WFDC10B: variants seen among roughly 807,000 people sequenced by gnomAD.
WFDC10B encodes the protein WAP four-disulfide core domain 10B.
In WFDC10B, 1 loss-of-function variant was observed where a neutral mutation model predicts 2.7. The ratio of observed to expected loss-of-function variants is 0.38; its 90% CI spans 0.13 to 1.79. The LOEUF (loss-of-function observed/expected upper bound fraction) is 1.79, where lower values mean the gene tolerates loss of function less well. WFDC10B is among the 40% of genes most tolerant of loss of function. The pLI is 0.33. For missense variants in WFDC10B, 71 were observed against 87.8 expected (o/e 0.81, Z 0.76); for synonymous variants, 26 against 32.2 (o/e 0.81, Z 0.65).
intron 2 of WFDC10B, chr20:45,702,250 G>C (rs1181841530): frequency 1.3e-6 from 2 of 1,580,336 alleles, no homozygotes; most frequent in South Asian, 2.3e-5. Context: ...GAAGTAACAT[G>C]TGTGGATAGG....
intron 2 of WFDC10B, among the ~76,000 whole-genome samples, chr20:45,698,412 CAAAAG>C (rs1453969924): frequency 6.7e-6 from 1 of 149,838 alleles, no homozygotes; most frequent in Non-Finnish European, 1.5e-5. Flanking sequence ...AGCACAGTAA[CAAAAG>C]AAAAAAAAAT....
At chr20:45,702,283 C>A in intron 2 of WFDC10B, 2 of 1,425,908 alleles carry the variant, frequency 1.4e-6, no homozygotes, top group Non-Finnish European at 1.9e-6. Flanking sequence ...GGCTGACAGT[C>A]TGTCACACCT....
At chr20:45,692,527 GTTCA>G (rs1983846401) in intron 2 of WFDC10B, among the ~76,000 whole-genome samples, 1 of 152,152 alleles carries the variant, frequency 6.6e-6, no homozygotes, top group African/African-American at 2.4e-5. Flanking sequence ...TGGAGGCTTT[GTTCA>G]TTTGTTTTTA....
At chr20:45,692,817 T>C (rs558562648) in intron 2 of WFDC10B, among the ~76,000 whole-genome samples, 71 of 152,346 alleles carry the variant, frequency 4.7e-4, no homozygotes, top group Non-Finnish European at 8.7e-4. Flanking sequence ...TGAAGCCTTC[T>C]TCTCTCAACT....
intron 2 of WFDC10B, among the ~76,000 whole-genome samples, chr20:45,694,038 G>T (rs1050095123): frequency 6.6e-6 from 1 of 152,180 alleles, no homozygotes; most frequent in Non-Finnish European, 1.5e-5. Flanking sequence ...CTAGACGTTT[G>T]TCAGGTGGAT....
At chr20:45,696,511 TTGAC>T (rs1266138293) in intron 2 of WFDC10B, among the ~76,000 whole-genome samples, 3 of 151,824 alleles carry the variant, frequency 2.0e-5, no homozygotes, top group Non-Finnish European at 4.4e-5. Context: ...TTTAGCTAGA[TTGAC>T]TAAGAAGAAA....
intron 2 of WFDC10B, among the ~76,000 whole-genome samples, chr20:45,697,632 G>A (rs1236093232): frequency 6.6e-6 from 1 of 151,798 alleles, no homozygotes. Flanking sequence ...GATTATAGGC[G>A]TGAGCCACCA....
At chr20:45,693,838 A>G (rs2145638305) in intron 2 of WFDC10B, among the ~76,000 whole-genome samples, 1 of 152,206 alleles carries the variant, frequency 6.6e-6, no homozygotes, top group Middle Eastern at 3.4e-3. Flanking sequence ...GCACCCACTG[A>G]CCTGCGCCCA....
intron 2 of WFDC10B, among the ~76,000 whole-genome samples, chr20:45,692,970 T>C (rs973443748): frequency 1.3e-5 from 2 of 152,164 alleles, no homozygotes; most frequent in African/African-American, 4.8e-5. Context: ...TATCTACTTT[T>C]GGTCTTGATG....
chr20:45,692,195 C>T lies in WFDC10B; in HGVS notation c.-64-6139G>A, dbSNP rs1335876020. Among the ~76,000 whole-genome samples, 10 of 152,176 alleles carry T rather than the reference C, an allele frequency of 6.6e-5. 1 individual carries two copies. The highest frequency in any genetic ancestry group is 1.7e-4 in the African/African-American group (7 of 41,504). On this transcript the variant is annotated intron_variant, in intron 2 of 3. Coordinates refer to ENST00000330523, the MANE Select transcript of WFDC10B (RefSeq NM_172006.2). Reference sequence around the variant, plus strand: ...CTCTTCTGGCTTGTAGAGTTTCTGCCGAGAGATCCACTGTTAGTCTGATGG... The same window carrying T: ...CTCTTCTGGCTTGTAGAGTTTCTGCTGAGAGATCCACTGTTAGTCTGATGG...
chr20:45,698,419 A>C (rs530744766), intron 2 of WFDC10B, among the ~76,000 whole-genome samples: 5 of 152,138 alleles, frequency 3.3e-5, no homozygotes, highest in Non-Finnish European at 7.4e-5. Flanking sequence ...TAACAAAAGA[A>C]AAAAAAATCG....
chr20:45,697,842 C>T (rs1019485288), intron 2 of WFDC10B, among the ~76,000 whole-genome samples: 1 of 149,940 alleles, frequency 6.7e-6, no homozygotes, highest in Admixed American at 6.7e-5. Context: ...CTCCCAGGTT[C>T]AAGCAATTCT....
At chr20:45,702,201 G>A in intron 2 of WFDC10B, 3 of 1,612,328 alleles carry the variant, frequency 1.9e-6, no homozygotes, top group Non-Finnish European at 2.5e-6. Flanking sequence ...GTCCCAAGCA[G>A]CGTGTTCTGA....
At chr20:45,687,825 T>C (rs1424558250) in intron 2 of WFDC10B, among the ~76,000 whole-genome samples, 1 of 151,704 alleles carries the variant, frequency 6.6e-6, no homozygotes, top group African/African-American at 2.4e-5. Flanking sequence ...TTCATGTCCT[T>C]TGCCCACTTT....
intron 2 of WFDC10B, among the ~76,000 whole-genome samples, chr20:45,703,968 A>G (rs1984282603): frequency 6.6e-6 from 1 of 152,110 alleles, no homozygotes; most frequent in African/African-American, 2.4e-5. Flanking sequence ...TCCTTTACCA[A>G]AACTTACCTT....
At chr20:45,701,657 G>A (rs1568674662) in intron 2 of WFDC10B, among the ~76,000 whole-genome samples, 1 of 151,438 alleles carries the variant, frequency 6.6e-6, no homozygotes, top group South Asian at 2.1e-4. Flanking sequence ...AGCAACTCAG[G>A]AGTCTGAGAC....
intron 2 of WFDC10B, among the ~76,000 whole-genome samples, chr20:45,688,345 G>A (rs1983699734): frequency 6.6e-6 from 1 of 152,052 alleles, no homozygotes; most frequent in Non-Finnish European, 1.5e-5. Flanking sequence ...ACATGTGCAT[G>A]TGTCTTTATA....
chr20:45,704,782 C>T (rs752354811), intron 1 of WFDC10B, 136 bp downstream of exon 1: 6 of 1,290,812 alleles, frequency 4.6e-6, no homozygotes, highest in Non-Finnish European at 5.5e-6. Flanking sequence ...AAAAGCCCTC[C>T]TCCCCTCCCA....
intron 2 of WFDC10B, among the ~76,000 whole-genome samples, chr20:45,691,711 TA>T (rs1448454051): frequency 6.6e-6 from 1 of 152,262 alleles, no homozygotes; most frequent in East Asian, 1.9e-4. Flanking sequence ...TCCACCCTTT[TA>T]TTTTGAGCCT....
Sources: allele counts gnomAD v4.1 joint callset (sites outside exome capture counted in the v4.1 genomes callset), GRCh38; gene constraint gnomAD v4.1.1; transcripts MANE v1.5; gene names NCBI Gene and HGNC (gene_info 2026-07-23, HGNC 2026-07-21).